Variants in GRM7 observed in about 807,000 individuals in gnomAD.
The protein encoded by GRM7 is glutamate metabotropic receptor 7.
A neutral mutation model predicts 84.5 loss-of-function variants in GRM7; 35 were observed. The observed-to-expected ratio is 0.41, with a 90% CI of 0.32 to 0.55. The LOEUF (loss-of-function observed/expected upper bound fraction) is 0.55. Ranked by LOEUF, GRM7 falls within the 20% of genes least tolerant of loss-of-function variation. The pLI is 0.19. For synonymous variants in GRM7, 487 were observed against 455.1 expected, an observed-to-expected ratio of 1.07 and a Z score of -0.89; for missense variants, 1,003 against 1,194.6, an observed-to-expected ratio of 0.84 and a Z score of 2.36.
intron 7 of GRM7, among the ~76,000 whole-genome samples, chr3:7,478,100 G>A (rs139545768): frequency 6.6e-6 from 1 of 152,082 alleles, no homozygotes; most frequent in East Asian, 1.9e-4. Context: ...GAACTTGGCT[G>A]TCCTTGTTTC....
chr3:6,958,051 C>T (rs1203642219), intron 1 of GRM7, among the ~76,000 whole-genome samples: 3 of 151,822 alleles, frequency 2.0e-5, no homozygotes, highest in Non-Finnish European at 4.4e-5. Context: ...CATACATGTA[C>T]ACACACTATT....
chr3:7,637,880 G>A (rs889198866), intron 8 of GRM7, among the ~76,000 whole-genome samples: 1 of 152,168 alleles, frequency 6.6e-6, no homozygotes, highest in Non-Finnish European at 1.5e-5. Flanking sequence ...TTAGTCACAG[G>A]CGGCAGTCAC....
At chr3:7,735,508 C>A (rs1008070925) in intron 9 of GRM7, among the ~76,000 whole-genome samples, 9 of 138,300 alleles carry the variant, frequency 6.5e-5, no homozygotes, top group African/African-American at 2.7e-4. Flanking sequence ...GCTCTTAAAA[C>A]TTTTATTGAA....
intron 4 of GRM7, among the ~76,000 whole-genome samples, chr3:7,307,393 C>G (rs1395222536): frequency 6.6e-6 from 1 of 152,168 alleles, no homozygotes; most frequent in Non-Finnish European, 1.5e-5. Context: ...GCTTTGTGTT[C>G]CTTTTCTGAT....
Position 6,962,560 on chromosome 3 carries a change from T to C in GRM7, c.519+100653T>C, listed in dbSNP as rs76258040. 8.0e-3 allele frequency among the ~76,000 whole-genome samples: 1,224 copies of C among 152,222 alleles called. 18 individuals are homozygous for C. The highest frequency in any genetic ancestry group is 0.028 in the African/African-American group (1,163 of 41,538). The stretch of plus-strand genomic sequence containing the variant: ...ACAGTCAATGAGGACAATAATGATA[T>C]GAAAATAATGAATAATGATGACATA... On this transcript the variant is annotated intron_variant, in intron 1 of 9. Transcript: ENST00000357716.
rs1405852702 is a variant in GRM7 at position 7,732,107 on chromosome 3, G to C, written c.2699-8250G>C. 2.0e-5 allele frequency among the ~76,000 whole-genome samples: 3 copies of C among 152,022 alleles called. No individual in the cohort carries two copies. The East Asian group carries it at 5.8e-4, about 29-fold the overall frequency. On this transcript the variant is annotated intron_variant, in intron 9 of 9. Coordinates refer to ENST00000357716, the MANE Select transcript of GRM7 (RefSeq NM_000844.4). ...GTCGCCCAGGCTGGAGTGCAGTGGC[G>C]TGATCTTGGCTCACTGCAAGCTCCG... is the stretch of plus-strand genomic sequence containing the variant.
intron 7 of GRM7, among the ~76,000 whole-genome samples, chr3:7,541,169 A>G (rs1289050903): frequency 1.3e-5 from 2 of 152,146 alleles, no homozygotes; most frequent in Non-Finnish European, 2.9e-5. Context: ...GCTTCATTTC[A>G]TAGTGTACTT....
chr3:7,306,351 T>C (rs1700193813), intron 3 of GRM7, 147 bp from the exon 4 acceptor site: 1 of 642,274 alleles, frequency 1.6e-6, no homozygotes, highest in African/African-American at 1.8e-5. Context: ...TCTTTATATA[T>C]TAGGGATATA....
intron 5 of GRM7, among the ~76,000 whole-genome samples, chr3:7,429,595 G>A (rs894509799): frequency 1.3e-5 from 2 of 152,004 alleles, no homozygotes; most frequent in African/African-American, 4.8e-5. Flanking sequence ...CAACTCAGTA[G>A]AGTTGGCAGA....
intron 7 of GRM7, among the ~76,000 whole-genome samples, chr3:7,531,901 TC>T (rs1449006050): frequency 6.6e-6 from 1 of 152,194 alleles, no homozygotes; most frequent in African/African-American, 2.4e-5. Context: ...AGGGAACGCT[TC>T]CACCTTTTAC....
chr3:6,881,631 C>T (rs1375915993), intron 1 of GRM7, among the ~76,000 whole-genome samples: 3 of 151,700 alleles, frequency 2.0e-5, no homozygotes, highest in East Asian at 3.9e-4. Flanking sequence ...GGGCAAAGGA[C>T]ATGAACAGAT....
intron 2 of GRM7, among the ~76,000 whole-genome samples, chr3:7,200,413 C>A (rs1322568050): frequency 2.6e-5 from 4 of 152,170 alleles, no homozygotes; most frequent in Non-Finnish European, 5.9e-5. Context: ...CCCAGGATTT[C>A]TCAGATTTTA....
At chr3:7,349,962 C>T (rs1293104896) in intron 4 of GRM7, among the ~76,000 whole-genome samples, 1 of 151,940 alleles carries the variant, frequency 6.6e-6, no homozygotes. Flanking sequence ...TCTAGCACCG[C>T]TTTTGAATCA....
chr3:7,222,370 A>C (rs960743682), intron 2 of GRM7, among the ~76,000 whole-genome samples: 3 of 152,008 alleles, frequency 2.0e-5, no homozygotes, highest in African/African-American at 7.3e-5. Context: ...CCCCACCGCG[A>C]ACTGACTTTG....
At chr3:6,958,344 C>A (rs1693153205) in intron 1 of GRM7, among the ~76,000 whole-genome samples, 1 of 151,738 alleles carries the variant, frequency 6.6e-6, no homozygotes, top group Non-Finnish European at 1.5e-5. Flanking sequence ...TATTGGTTGA[C>A]TAATTGATAA....
At chr3:7,302,116 C>A (rs1700023431) in intron 3 of GRM7, among the ~76,000 whole-genome samples, 1 of 151,260 alleles carries the variant, frequency 6.6e-6, no homozygotes. Flanking sequence ...TAAAAGGAAC[C>A]CTTACATTTT....
At chr3:7,166,777 G>A (rs943263018) in intron 2 of GRM7, among the ~76,000 whole-genome samples, 2 of 152,156 alleles carry the variant, frequency 1.3e-5, no homozygotes, top group Non-Finnish European at 2.9e-5. Flanking sequence ...TCCCTGGGCA[G>A]AGCAGAAGTC....
At chr3:7,240,962 T>C (rs149542562) in intron 2 of GRM7, among the ~76,000 whole-genome samples, 15 of 152,286 alleles carry the variant, frequency 9.8e-5, no homozygotes, top group African/African-American at 3.1e-4. Flanking sequence ...CTAGGAGCAA[T>C]AGGCTATACC....
intron 9 of GRM7, among the ~76,000 whole-genome samples, chr3:7,713,481 A>T (rs1011149408): frequency 6.6e-6 from 1 of 152,032 alleles, no homozygotes; most frequent in Non-Finnish European, 1.5e-5. Context: ...CCAATCTATA[A>T]TGTGGCCCCT....
Sources: gnomAD v4.1 joint callset for allele counts (sites outside exome capture counted in the v4.1 genomes callset) on GRCh38, gnomAD v4.1.1 for gene constraint, MANE v1.5 for transcripts, NCBI Gene and HGNC (gene_info 2026-07-23, HGNC 2026-07-21) for gene names.